ZNF608: variants seen among roughly 807,000 people sequenced by gnomAD.
ZNF608 encodes the protein renal carcinoma antigen NY-REN-36.
Under a neutral mutation model 109.0 loss-of-function variants are expected in ZNF608, and 12 were observed. The observed-to-expected ratio is 0.11, with a 90% CI of 0.07 to 0.18. The LOEUF is 0.18. Ranked by LOEUF, ZNF608 falls within the 10% of genes least tolerant of loss-of-function variation. The pLI is 1.00. For synonymous variants in ZNF608, 732 were observed against 717.4 expected, an observed-to-expected ratio of 1.02 and a Z score of -0.33; for missense variants, 1,707 against 1,879.3, an observed-to-expected ratio of 0.91 and a Z score of 1.70.
rs1019814944 is a variant in ZNF608, at chr5:124,746,514, T to C, written c.-503A>G. On this transcript the variant is annotated 5_prime_UTR_variant, in exon 1 of 10. Coordinates refer to ENST00000513986, the MANE Select transcript of ZNF608 (RefSeq NM_020747.3). ...ACAAGCATCGAGAATAATAGTTTTTTAAAAAACAGAGAGTTTAGAGAAAAA... is the reference window on the plus strand; with the variant it reads ...ACAAGCATCGAGAATAATAGTTTTTCAAAAAACAGAGAGTTTAGAGAAAAA... The C allele has an allele frequency of 5.1e-5, 50 of 985,244 alleles. No individual in the cohort carries two copies. The highest frequency in any genetic ancestry group is 6.0e-5 in the Non-Finnish European group (50 of 829,924). 61.0% of individuals were successfully genotyped at this position (985,244 alleles called of 1,614,324 possible). A position where few individuals can be genotyped will look rare whatever the true frequency, so the allele number is the denominator to read the frequency against.
Position 124,647,583 on chromosome 5 carries a change from G to C in ZNF608, c.2801C>G (p.Thr934Arg), listed in dbSNP as rs1750582183. The C allele has an allele frequency of 2.5e-6, 4 of 1,614,242 alleles. No homozygotes were observed. The South Asian group carries it at 4.4e-5, about 18-fold the overall frequency. Reference sequence around the variant, plus strand: ...TATGTCTGAATAGGCCGGGCTGCTTGTCTTTGCAGCTGAACTCTCTGCCCC... The same window carrying C: ...TATGTCTGAATAGGCCGGGCTGCTTCTCTTTGCAGCTGAACTCTCTGCCCC... The part of the protein sequence containing the change: ...QNGAESSAAK[T>R]SSPAYSDISD... The change falls in exon 5 of 10, where the codon ACA becomes AGA. Residue 934 changes from threonine to arginine, a missense_variant. Thr to Arg is a moderately conservative substitution (Grantham distance 71). Coordinates refer to ENST00000513986, the MANE Select transcript of ZNF608 (RefSeq NM_020747.3).
intron 2 of ZNF608, among the ~76,000 whole-genome samples, chr5:124,706,894 C>A (rs747688516): frequency 2.0e-5 from 3 of 151,964 alleles, no homozygotes; most frequent in Non-Finnish European, 4.4e-5. Context: ...ATTTATCACG[C>A]GAGAGAGCCT....
intron 3 of ZNF608, among the ~76,000 whole-genome samples, chr5:124,690,393 A>G (rs1243517030): frequency 6.6e-6 from 1 of 152,214 alleles, no homozygotes; most frequent in Non-Finnish European, 1.5e-5. Flanking sequence ...TGGTGTGTCA[A>G]TTAGATTCAC....
intron 3 of ZNF608, among the ~76,000 whole-genome samples, chr5:124,668,319 T>G (rs1299385360): frequency 6.7e-6 from 1 of 150,326 alleles, no homozygotes; most frequent in Non-Finnish European, 1.5e-5. Context: ...GAGGATCATT[T>G]GAGCCTTGAG....
At chr5:124,714,166 C>T (rs538176677) in intron 2 of ZNF608, among the ~76,000 whole-genome samples, 1 of 152,252 alleles carries the variant, frequency 6.6e-6, no homozygotes, top group Admixed American at 6.5e-5. Context: ...TATGATACGT[C>T]TCTATTCCCA....
At chr5:124,643,470 C>G in intron 7 of ZNF608, 41 bp downstream of exon 7, 1 of 1,597,146 alleles carries the variant, frequency 6.3e-7, no homozygotes, top group Non-Finnish European at 8.6e-7. Flanking sequence ...CCTTTCTCCC[C>G]AAATCACAGT....
At chr5:124,717,594 C>CT (rs955253282) in intron 2 of ZNF608, among the ~76,000 whole-genome samples, 34 of 152,126 alleles carry the variant, frequency 2.2e-4, no homozygotes, top group African/African-American at 7.2e-4. Flanking sequence ...AGCAAAAAGG[C>CT]TTTTTTGAGG....
rs192326979 is a variant in ZNF608, at chr5:124,676,225, C to G, written c.1162+24789G>C. Among the ~76,000 whole-genome samples, 345 of 152,268 alleles carry G rather than the reference C, an allele frequency of 2.3e-3. 1 individual carries two copies. The highest frequency in any genetic ancestry group is 8.2e-3 in the African/African-American group (340 of 41,550). ...AGTAACCAGAGAAGCCTAGAGCCAT[C>G]TGAGGGGCGAGTGCAAACAATAAAC... is the stretch of plus-strand genomic sequence containing the variant. On this transcript the variant is annotated intron_variant, in intron 3 of 9. Transcript: ENST00000513986.
chr5:124,647,516 C>T lies in ZNF608; in HGVS notation c.2868G>A (p.Glu956=). The part of the protein sequence containing the change: ...ADDGGSDSRS[E]GMRSKASSPS... Reference sequence around the variant, plus strand: ...GGGAACTGGCCTTTGATCTCATACCCTCCGACCTGCTGTCAGAACCACCAT... The same window carrying T: ...GGGAACTGGCCTTTGATCTCATACCTTCCGACCTGCTGTCAGAACCACCAT... Residue 956 remains glutamate (E), a synonymous_variant, in exon 5 of 10, where the codon GAG becomes GAA. Coordinates refer to ENST00000513986, the MANE Select transcript of ZNF608 (RefSeq NM_020747.3). The T allele has an allele frequency of 1.9e-6, 3 of 1,614,200 alleles. No homozygotes were observed. The highest frequency in any genetic ancestry group is 2.5e-6 in the Non-Finnish European group (3 of 1,180,036).
chr5:124,731,402 G>A (rs1339096223), intron 2 of ZNF608, among the ~76,000 whole-genome samples: 9 of 152,110 alleles, frequency 5.9e-5, no homozygotes, highest in East Asian at 5.9e-4. Flanking sequence ...TAGTACAGAC[G>A]GGGTTTCACC....
chr5:124,680,498 C>T (rs1752148661), intron 3 of ZNF608, among the ~76,000 whole-genome samples: 1 of 152,040 alleles, frequency 6.6e-6, no homozygotes, highest in Admixed American at 6.6e-5. Context: ...CTGATAAAAG[C>T]AAGAGAAAAG....
At chr5:124,644,018 C>T (rs1750375256) in intron 6 of ZNF608, among the ~76,000 whole-genome samples, 1 of 152,178 alleles carries the variant, frequency 6.6e-6, no homozygotes, top group African/African-American at 2.4e-5. Flanking sequence ...GTCAGCCTAA[C>T]AGCTATAGCA....
At chr5:124,738,858 C>T (rs1200480673) in intron 2 of ZNF608, among the ~76,000 whole-genome samples, 2 of 152,172 alleles carry the variant, frequency 1.3e-5, no homozygotes, top group Admixed American at 6.5e-5. Context: ...CTCTCCCACA[C>T]GTCATTACCC....
intron 3 of ZNF608, among the ~76,000 whole-genome samples, chr5:124,690,427 T>A (rs1752567120): frequency 2.0e-5 from 3 of 152,198 alleles, no homozygotes; most frequent in Admixed American, 2.0e-4. Context: ...TGTACCACTC[T>A]GGTGGGGAAT....
intron 8 of ZNF608, among the ~76,000 whole-genome samples, 177 bp downstream of exon 8, chr5:124,641,075 T>C (rs1317111066): frequency 6.6e-6 from 1 of 152,136 alleles, no homozygotes; most frequent in African/African-American, 2.4e-5. Context: ...CATGTCTCAA[T>C]AGAATACAAA....
upstream of ZNF608, among the ~76,000 whole-genome samples, chr5:124,747,587 A>T (rs952496166): frequency 8.0e-5 from 12 of 150,730 alleles, no homozygotes; most frequent in African/African-American, 2.9e-4. Flanking sequence ...AAAAAAAAAA[A>T]GCTGAAAGTC....
intron 3 of ZNF608, among the ~76,000 whole-genome samples, chr5:124,691,015 T>C (rs1349023662): frequency 6.6e-6 from 1 of 151,938 alleles, no homozygotes; most frequent in African/African-American, 2.4e-5. Flanking sequence ...TTCATTGGGT[T>C]ATTTGTTATT....
intron 3 of ZNF608, among the ~76,000 whole-genome samples, chr5:124,667,705 T>C (rs959743978): frequency 3.9e-5 from 6 of 152,188 alleles, no homozygotes; most frequent in Admixed American, 3.9e-4. Context: ...CAAAATGTCT[T>C]CCAAATATTA....
chr5:124,715,989 A>G (rs1580684071), intron 2 of ZNF608, among the ~76,000 whole-genome samples: 2 of 151,860 alleles, frequency 1.3e-5, no homozygotes, highest in East Asian at 3.9e-4. Context: ...TAAAAATACA[A>G]AAAATTAGCC....
Sources: allele counts gnomAD v4.1 joint callset (sites outside exome capture counted in the v4.1 genomes callset), GRCh38; gene constraint gnomAD v4.1.1; transcripts MANE v1.5; gene names NCBI Gene and HGNC (gene_info 2026-07-23, HGNC 2026-07-21).